UGT2B11: variants seen among roughly 807,000 people sequenced by gnomAD.
UGT2B11 encodes UDP-glucuronosyltransferase 2B11.
UGT2B11 carries 49 observed loss-of-function variants against 51.7 expected under a neutral mutation model. The ratio of observed to expected loss-of-function variants is 0.95; its 90% confidence interval spans 0.75 to 1.20. The LOEUF is 1.20. Among genes scored for constraint, UGT2B11 ranks in the 50% most tolerant of loss-of-function variants. The pLI is 0.00. For synonymous variants in UGT2B11, 273 were observed against 209.0 expected, an observed-to-expected ratio of 1.31 and a Z score of -2.64; for missense variants, 810 against 622.1, an observed-to-expected ratio of 1.30 and a Z score of -3.21.
chr4:69,212,463 A>T, intron 2 of UGT2B11, 110 bp downstream of exon 2: 1 of 1,530,694 alleles, frequency 6.5e-7, no homozygotes, highest in Non-Finnish European at 8.8e-7. Context: ...TACACCACCT[A>T]CTTCCCATCT....
At chr4:69,219,297 G>A (rs1354976410), upstream of UGT2B11, among the ~76,000 whole-genome samples, 1 of 152,046 alleles carries the variant, frequency 6.6e-6, no homozygotes, top group Non-Finnish European at 1.5e-5. Context: ...AGTTGTTTGT[G>A]TATGTTTTAT....
chr4:69,222,523 C>T, the UGT2B11 span, among the ~76,000 whole-genome samples: 1 of 152,110 alleles, frequency 6.6e-6, no homozygotes, highest in African/African-American at 2.4e-5. Context: ...TGCCTGTTGC[C>T]CTGTGGGGAA....
rs148025519 is a variant in UGT2B11, at chr4:69,214,610, T to C, written c.113A>G (p.Asn38Ser). Residue 38 changes from asparagine (N) to serine (S), a missense_variant, in exon 1 of 6, where the codon AAT (asparagine) becomes AGT (serine). Coordinates refer to ENST00000446444, the MANE Select transcript of UGT2B11 (RefSeq NM_001073.3). ...VWAAEYSHWM[N>S]MKTILKELVQ... ...AAGCTCTTTCAGGATTGTCTTCATA[T>C]TCATCCAATGGCTGTATTCTGCGGC... 1.2e-6 allele frequency: 2 copies of C among 1,613,194 alleles called. No individual in the cohort carries two copies. Among genetic ancestry groups the C allele is most frequent in the African/African-American group, 2.7e-5 (2 of 74,856 alleles).
At chr4:69,201,708 G>A (rs895694927) in intron 5 of UGT2B11, among the ~76,000 whole-genome samples, 1 of 151,616 alleles carries the variant, frequency 6.6e-6, no homozygotes, top group East Asian at 2.0e-4. Context: ...GGCTTTTACT[G>A]GACAATGATG....
At chr4:69,200,814 C>T (rs1721630184) in intron 5 of UGT2B11, 95 bp from the exon 6 acceptor site, 1 of 1,304,770 alleles carries the variant, frequency 7.7e-7, no homozygotes, top group African/African-American at 1.5e-5. Flanking sequence ...TCAAATAATT[C>T]AAAATAAATG....
the UGT2B11 span, among the ~76,000 whole-genome samples, chr4:69,222,151 A>T: frequency 6.6e-6 from 1 of 152,246 alleles, no homozygotes; most frequent in African/African-American, 2.4e-5. Context: ...GGTCCCTGTT[A>T]TAGAACACTG....
chr4:69,209,325 T>C (rs1229852762), intron 2 of UGT2B11, among the ~76,000 whole-genome samples: 1 of 151,648 alleles, frequency 6.6e-6, no homozygotes, highest in Non-Finnish European at 1.5e-5. Flanking sequence ...ATCATCACTT[T>C]GTTGTGTCTC....
the UGT2B11 span, among the ~76,000 whole-genome samples, chr4:69,222,127 G>A: frequency 6.6e-6 from 1 of 152,364 alleles, no homozygotes; most frequent in East Asian, 1.9e-4. Flanking sequence ...TTTCCCTTTT[G>A]GCCTGTTCCT....
rs1334771796 is a variant in UGT2B11, at chr4:69,200,163, T to G, written c.*277A>C. 3.3e-5 allele frequency: 9 copies of G among 276,376 alleles called. No homozygotes were observed. The highest frequency in any genetic ancestry group is 5.1e-5 in the Non-Finnish European group (8 of 158,200). The allele number at this position is 276,376 out of a possible 1,614,324, so 17.1% of individuals were successfully genotyped here. On this transcript the variant is annotated 3_prime_UTR_variant, in exon 6 of 6. Coordinates refer to ENST00000446444, the MANE Select transcript of UGT2B11 (RefSeq NM_001073.3). ...TTCAAACAACAAATCTCAATATAAG[T>G]GCAACAAATTTCAATATGAGCTCAA...
chr4:69,211,515 A>G (rs1250428977), intron 2 of UGT2B11, among the ~76,000 whole-genome samples: 2 of 151,644 alleles, frequency 1.3e-5, no homozygotes, highest in African/African-American at 4.8e-5. Context: ...TAGTAGTATT[A>G]GTAATAATCA....
chr4:69,201,724 T>C (rs1282478040), intron 5 of UGT2B11, among the ~76,000 whole-genome samples: 1 of 151,824 alleles, frequency 6.6e-6, no homozygotes, highest in Non-Finnish European at 1.5e-5. Flanking sequence ...TGATGGAGCC[T>C]CCAGGATTTT....
rs1214783152 is a variant in UGT2B11, at chr4:69,200,329, T to TTTTTTTC, written c.*110_*111insGAAAAAA. 61 of 1,180,580 alleles carry TTTTTTTC rather than the reference T, an allele frequency of 5.2e-5. No individual in the cohort carries two copies. The African/African-American group carries it at 9.6e-4, about 19-fold the overall frequency. The allele number at this position is 1,180,580 out of a possible 1,614,324, so 73.1% of individuals were successfully genotyped here. A position where few individuals can be genotyped will look rare whatever the true frequency, so the allele number is the denominator to read the frequency against. ...ATTTGAAAATTTTTTTTTTTTTTTT[T>TTTTTTTC]TTTTTGTCACAGGAAGAAAGAAATC... On this transcript the variant is annotated 3_prime_UTR_variant, in exon 6 of 6. Coordinates refer to ENST00000446444, the MANE Select transcript of UGT2B11 (RefSeq NM_001073.3).
chr4:69,208,744 A>T (rs1314106738), intron 2 of UGT2B11, among the ~76,000 whole-genome samples: 1 of 151,664 alleles, frequency 6.6e-6, no homozygotes, highest in African/African-American at 2.4e-5. Context: ...AAATGGAGCT[A>T]TTACATTGTA....
chr4:69,213,592 A>C (rs1462557673), intron 1 of UGT2B11, among the ~76,000 whole-genome samples: 1 of 151,868 alleles, frequency 6.6e-6, no homozygotes, highest in African/African-American at 2.4e-5. Flanking sequence ...ACTGAGATTT[A>C]CAAGGAAAAC....
At chr4:69,216,902 G>T (rs1166029564), upstream of UGT2B11, 6 of 152,104 alleles carry the variant, frequency 3.9e-5, no homozygotes, top group Non-Finnish European at 8.8e-5. Flanking sequence ...AATGAGGCAG[G>T]GGTGTGATCT....
chr4:69,220,590 G>A, the UGT2B11 span, among the ~76,000 whole-genome samples: 8 of 150,568 alleles, frequency 5.3e-5, no homozygotes, highest in Non-Finnish European at 5.9e-5. Context: ...ATTTGACAAG[G>A]AGGTTAAAAA....
upstream of UGT2B11, among the ~76,000 whole-genome samples, chr4:69,217,215 T>C (rs1257895511): frequency 1.3e-5 from 2 of 152,154 alleles, no homozygotes; most frequent in Non-Finnish European, 2.9e-5. Context: ...TTTCACAGAT[T>C]GTCTTGTAAT....
intron 5 of UGT2B11, 164 bp downstream of exon 5, chr4:69,204,266 A>G (rs1721766366): frequency 1.7e-6 from 2 of 1,188,598 alleles, no homozygotes; most frequent in African/African-American, 1.5e-5. Flanking sequence ...TTCAAACACA[A>G]TTTTTAAATA....
At chr4:69,208,539 A>T in intron 2 of UGT2B11, 57 bp from the exon 3 acceptor site, 1 of 1,584,052 alleles carries the variant, frequency 6.3e-7, no homozygotes. Context: ...GGCACTACTG[A>T]AAGAATTGGT....
Sources: allele counts gnomAD v4.1 joint callset (sites outside exome capture counted in the v4.1 genomes callset), GRCh38; gene constraint gnomAD v4.1.1; transcripts MANE v1.5; gene names NCBI Gene and HGNC (gene_info 2026-07-23, HGNC 2026-07-21).